TRAP1: variants seen among roughly 807,000 people sequenced by gnomAD.
TRAP1 encodes the protein heat shock protein 75 kDa, mitochondrial.
Under a neutral mutation model 89.1 loss-of-function variants are expected in TRAP1, and 102 were observed. The ratio of observed to expected loss-of-function variants is 1.15; its 90% CI spans 0.98 to 1.35. The LOEUF (loss-of-function observed/expected upper bound fraction) is 1.35, where lower values mean the gene tolerates loss of function less well. Ranked by LOEUF, TRAP1 falls within the 40% of genes most tolerant of loss-of-function variation. The pLI, the probability that TRAP1 is intolerant of heterozygous loss-of-function variation, is 0.00. For synonymous variants in TRAP1, 508 were observed against 388.0 expected, an observed-to-expected ratio of 1.31 and a Z score of -3.64; for missense variants, 1,256 against 945.3, an observed-to-expected ratio of 1.33 and a Z score of -4.31.
At chr16:3,679,660 T>G in intron 5 of TRAP1, 59 bp downstream of exon 5, 1 of 1,581,394 alleles carries the variant, frequency 6.3e-7, no homozygotes, top group Non-Finnish European at 8.7e-7. Flanking sequence ...CCACCCCTAC[T>G]GGAGGGATCC....
rs141073140 is a variant in TRAP1, at chr16:3,713,597, G to A, written c.88+3824C>T. On this transcript the variant is annotated intron_variant, in intron 1 of 17. Transcript: ENST00000246957. ...CTCAGTCATGTTCTGGCAATTTCACGAAAACAAGAGCATCTGGCATGACCA... is the reference window on the plus strand; with the variant it reads ...CTCAGTCATGTTCTGGCAATTTCACAAAAACAAGAGCATCTGGCATGACCA... Among the ~76,000 whole-genome samples the A allele has an allele frequency of 3.9e-4, 59 of 152,340 alleles. 1 individual carries two copies. The highest frequency in any genetic ancestry group is 1.4e-3 in the African/African-American group (59 of 41,592).
At chr16:3,659,880 A>G (rs1166028512) in intron 16 of TRAP1, 1 of 152,018 alleles carries the variant, frequency 6.6e-6, no homozygotes, top group Non-Finnish European at 1.5e-5. Context: ...CTCCCAAGTA[A>G]CTGGGATTAC....
intron 1 of TRAP1, among the ~76,000 whole-genome samples, chr16:3,712,177 T>C (rs917409119): frequency 2.0e-5 from 3 of 148,384 alleles, no homozygotes; most frequent in Non-Finnish European, 4.4e-5. Flanking sequence ...TAGTCCCAGC[T>C]ACTCAGGAGG....
chr16:3,698,929 A>T (rs1202133443), intron 1 of TRAP1, among the ~76,000 whole-genome samples: 1 of 152,126 alleles, frequency 6.6e-6, no homozygotes, highest in Non-Finnish European at 1.5e-5. Context: ...CCATTAGAGG[A>T]ATAAATCTGC....
chr16:3,690,464 T>C (rs900583355), intron 2 of TRAP1, among the ~76,000 whole-genome samples: 8 of 152,194 alleles, frequency 5.3e-5, no homozygotes, highest in African/African-American at 1.9e-4. Context: ...GACTGCTTTT[T>C]TATACTTCAG....
rs1009161322 is a variant in TRAP1, at chr16:3,665,879, C to T, written c.1383+92G>A. On this transcript the variant is annotated intron_variant, in intron 12 of 17. Transcript: ENST00000246957. ...CAGCAGCCAGGGTACCCAGCTGCAC[C>T]GTCGCCACATCAGGGGACACCTCCA... 2.6e-5 allele frequency: 39 copies of T among 1,486,294 alleles called. 1 individual carries two copies. The African/African-American group carries it at 4.1e-4, about 16-fold the overall frequency. 92.1% of individuals were successfully genotyped at this position (1,486,294 alleles called of 1,614,324 possible).
chr16:3,703,748 G>A (rs1205005195), intron 1 of TRAP1, among the ~76,000 whole-genome samples: 1 of 152,010 alleles, frequency 6.6e-6, no homozygotes, highest in South Asian at 2.1e-4. Context: ...GGGCGCGGTG[G>A]CTTACGCCTG....
At chr16:3,682,413 G>T (rs565612794) in intron 4 of TRAP1, among the ~76,000 whole-genome samples, 1 of 148,846 alleles carries the variant, frequency 6.7e-6, no homozygotes, top group Non-Finnish European at 1.5e-5. Context: ...AAAATTTCTC[G>T]CTCTGTCACG....
intron 16 of TRAP1, chr16:3,661,662 C>A: frequency 3.5e-6 from 1 of 288,226 alleles, no homozygotes; most frequent in Non-Finnish European, 6.4e-6. Flanking sequence ...TCAGCAAACA[C>A]CAAGATCCAC....
chr16:3,696,227 C>A (rs1314797859), intron 1 of TRAP1, among the ~76,000 whole-genome samples: 4 of 152,100 alleles, frequency 2.6e-5, no homozygotes, highest in African/African-American at 9.7e-5. Context: ...AAAACAGGAA[C>A]CAGAGATCCC....
intron 6 of TRAP1, chr16:3,677,060 A>G (rs752277051): frequency 6.7e-4 from 87 of 130,386 alleles, no homozygotes; most frequent in Admixed American, 4.9e-3. Context: ...GTCCCAAAGG[A>G]AAAAAAAAAA....
rs1211125449 is a variant in TRAP1, at chr16:3,671,781, G to A, written c.1176C>T (p.Asp392=). The part of the protein sequence containing the change: ...KWLRFIRGVV[D]SEDIPLNLSR... ...TGAGGTTCAGGGGAATGTCCTCACT[G>A]TCCACCACACCTGGGAGACACGGCA... The change falls in exon 11 of 18, where the codon GAC becomes GAT. Residue 392 remains aspartate (D), a synonymous_variant. Coordinates refer to ENST00000246957, the MANE Select transcript of TRAP1 (RefSeq NM_016292.3). 1.2e-6 allele frequency: 2 copies of A among 1,612,772 alleles called. No individual in the cohort carries two copies. Among genetic ancestry groups the A allele is most frequent in the Non-Finnish European group, 1.7e-6 (2 of 1,180,012 alleles).
intron 13 of TRAP1, 62 bp downstream of exon 13, chr16:3,664,212 G>C: frequency 6.9e-7 from 1 of 1,456,768 alleles, no homozygotes; most frequent in Non-Finnish European, 9.1e-7. Flanking sequence ...ACAGAGCTGA[G>C]AAGGTCAAGA....
chr16:3,703,720 A>G (rs1026048293), intron 1 of TRAP1, among the ~76,000 whole-genome samples: 1 of 152,030 alleles, frequency 6.6e-6, no homozygotes, highest in Non-Finnish European at 1.5e-5. Context: ...TTATAAAACT[A>G]TTTACAAAAG....
rs553940720 is a variant in TRAP1, at chr16:3,674,649, G to A, written c.889-155C>T. The A allele has an allele frequency of 4.3e-4, 375 of 870,834 alleles. 2 individuals carry two copies. In the African/African-American group the frequency reaches 4.8e-3, roughly 11 times the overall value. 53.9% of individuals were successfully genotyped at this position (870,834 alleles called of 1,614,324 possible). On this transcript the variant is annotated intron_variant, in intron 8 of 17. Transcript: ENST00000246957. ...GCGTAGACCCCTCTCCAGCCCCACCGCTGGGCTATGCCGGGTAGTGCAGGG... is the reference window on the plus strand; with the variant it reads ...GCGTAGACCCCTCTCCAGCCCCACCACTGGGCTATGCCGGGTAGTGCAGGG...
At chr16:3,679,815 C>T (rs1279882052) in intron 4 of TRAP1, 25 bp from the exon 5 acceptor site, 1 of 1,613,022 alleles carries the variant, frequency 6.2e-7, no homozygotes. Flanking sequence ...GCACTAAGTG[C>T]CAAGCCCCCA....
At chr16:3,679,506 A>AG (rs2051045617) in intron 5 of TRAP1, among the ~76,000 whole-genome samples, 3 of 152,240 alleles carry the variant, frequency 2.0e-5, no homozygotes, top group Middle Eastern at 3.4e-3. Context: ...TTGCTATCCA[A>AG]GGGGGGTCCT....
At position 3,686,139 on chromosome 16, in the gene TRAP1, A is replaced by G. The variant is rs1197922191; in HGVS notation, c.331-3T>C. 6.2e-7 allele frequency: 1 copy of G among 1,613,706 alleles called. No individual in the cohort carries two copies. Among genetic ancestry groups the G allele is most frequent in the Admixed American group, 1.7e-5 (1 of 59,990 alleles). On this transcript the variant is annotated splice_polypyrimidine_tract_variant and splice_region_variant and intron_variant, in intron 3 of 17. Transcript: ENST00000246957. ...GAGATCAGCTCCCGTATAAACACCT[A>G]CAGGAATAGAAATGGGAGGCACAGA...
chr16:3,670,881 C>T (rs2050904098), intron 11 of TRAP1, among the ~76,000 whole-genome samples: 2 of 152,110 alleles, frequency 1.3e-5, no homozygotes, highest in African/African-American at 2.4e-5. Flanking sequence ...CAGACCTGCT[C>T]CTGCCCGCGG....
Sources: allele counts gnomAD v4.1 joint callset (sites outside exome capture counted in the v4.1 genomes callset), GRCh38; gene constraint gnomAD v4.1.1; transcripts MANE v1.5; gene names NCBI Gene and HGNC (gene_info 2026-07-23, HGNC 2026-07-21).